The following GRB10 variants were observed in gnomAD, a reference collection of about 807,000 sequenced individuals.
GRB10 encodes growth factor receptor-bound protein 10.
GRB10 carries 20 observed loss-of-function variants against 80.9 expected under a neutral mutation model. The ratio of observed to expected loss-of-function variants is 0.25; its 90% confidence interval spans 0.17 to 0.36. The LOEUF is 0.36. GRB10 is among the 10% of genes least tolerant of loss of function. The pLI is 1.00. For missense variants in GRB10, 548 were observed against 747.7 expected, an observed-to-expected ratio of 0.73 and a Z score of 3.12; for synonymous variants, 291 against 291.5, an observed-to-expected ratio of 1.00 and a Z score of 0.02.
At chr7:50,784,881 T>C (rs2078627656), upstream of GRB10, among the ~76,000 whole-genome samples, 1 of 152,092 alleles carries the variant, frequency 6.6e-6, no homozygotes, top group South Asian at 2.1e-4. Context: ...ATGGGAAACG[T>C]AGAGTCCAAA....
intron 4 of GRB10, among the ~76,000 whole-genome samples, chr7:50,718,871 T>A (rs1416053338): frequency 6.6e-6 from 1 of 152,094 alleles, no homozygotes; most frequent in African/African-American, 2.4e-5. Flanking sequence ...TCAAAATCTT[T>A]ACCCAAGGGT....
intron 7 of GRB10, among the ~76,000 whole-genome samples, chr7:50,662,451 T>C (rs966559200): frequency 2.0e-5 from 3 of 152,180 alleles, no homozygotes; most frequent in African/African-American, 7.2e-5. Context: ...AATGCCAGTG[T>C]GTGCTGCATT....
chr7:50,733,031 A>T (rs1400578730), intron 3 of GRB10, among the ~76,000 whole-genome samples: 1 of 152,248 alleles, frequency 6.6e-6, no homozygotes, highest in Non-Finnish European at 1.5e-5. Context: ...CCTAAGCTGC[A>T]GCCCTAACTC....
intron 5 of GRB10, among the ~76,000 whole-genome samples, chr7:50,683,873 C>G (rs111893706): frequency 0.012 from 1,794 of 152,166 alleles, 13 homozygotes; most frequent in Middle Eastern, 0.058. Flanking sequence ...CCAGGTTACC[C>G]TCCAGGTGAT....
chr7:50,625,714 C>T (rs2052752527), intron 8 of GRB10, among the ~76,000 whole-genome samples: 1 of 152,238 alleles, frequency 6.6e-6, no homozygotes, highest in African/African-American at 2.4e-5. Flanking sequence ...GGAAAGAAAC[C>T]AGCAAGAGTT....
At chr7:50,789,872 T>C (rs1588146050) in intron 1 of GRB10, among the ~76,000 whole-genome samples, 2 of 152,304 alleles carry the variant, frequency 1.3e-5, no homozygotes, top group South Asian at 4.1e-4. Flanking sequence ...TCTGTTGCCA[T>C]CTCAAAGGAC....
intron 5 of GRB10, among the ~76,000 whole-genome samples, chr7:50,698,117 A>G (rs1381730779): frequency 1.3e-5 from 2 of 152,150 alleles, no homozygotes; most frequent in Non-Finnish European, 2.9e-5. Context: ...CTGCCTGCTC[A>G]TGTTCTTTGC....
intron 4 of GRB10, among the ~76,000 whole-genome samples, chr7:50,725,400 A>G (rs1239961913): frequency 1.3e-5 from 2 of 152,056 alleles, no homozygotes; most frequent in Non-Finnish European, 2.9e-5. Flanking sequence ...AGTCAATTAA[A>G]CCTCATTTCT....
chr7:50,712,734 C>T (rs1332178665), intron 4 of GRB10, among the ~76,000 whole-genome samples: 1 of 152,236 alleles, frequency 6.6e-6, no homozygotes, highest in Non-Finnish European at 1.5e-5. Context: ...TCACTTTAAC[C>T]ACCCACTCTG....
intron 4 of GRB10, chr7:50,705,091 A>C (rs949975455): frequency 2.1e-6 from 2 of 948,270 alleles, no homozygotes; most frequent in Non-Finnish European, 2.5e-6. Flanking sequence ...CTCCTTGCTC[A>C]CGCATGAAAT....
At chr7:50,759,941 C>G (rs1369535909) in intron 2 of GRB10, among the ~76,000 whole-genome samples, 7 of 152,190 alleles carry the variant, frequency 4.6e-5, no homozygotes, top group African/African-American at 1.7e-4. Context: ...ACCAACAAAA[C>G]TTAGCCAAAA....
intron 2 of GRB10, among the ~76,000 whole-genome samples, chr7:50,777,429 T>TACACACACACACACAC (rs71018485): frequency 0.098 from 14,292 of 146,050 alleles, 789 homozygotes; most frequent in East Asian, 0.19. Flanking sequence ...GCAATCTGTA[T>TACACACACACACACAC]ACACACACAC....
intron 5 of GRB10, among the ~76,000 whole-genome samples, chr7:50,694,630 C>G (rs2063222338): frequency 6.6e-6 from 1 of 152,136 alleles, no homozygotes; most frequent in African/African-American, 2.4e-5. Flanking sequence ...CATCCCTCAC[C>G]TACCCACAGG....
At chr7:50,759,192 C>CAAAA (rs57526722) in intron 2 of GRB10, among the ~76,000 whole-genome samples, 2 of 113,630 alleles carry the variant, frequency 1.8e-5, no homozygotes, top group Non-Finnish European at 3.4e-5. Context: ...GACTCTGCCT[C>CAAAA]AAAAAAAAAA....
intron 12 of GRB10, among the ~76,000 whole-genome samples, chr7:50,614,378 C>T (rs1326328599): frequency 2.0e-5 from 3 of 152,170 alleles, no homozygotes; most frequent in Admixed American, 6.5e-5. Context: ...GCCAGAGGCC[C>T]ACACAGAAGC....
At chr7:50,720,709 G>A (rs2067587771) in intron 4 of GRB10, among the ~76,000 whole-genome samples, 1 of 151,182 alleles carries the variant, frequency 6.6e-6, no homozygotes, top group African/African-American at 2.4e-5. Context: ...AGAAGCTTAT[G>A]TTTAAATTAC....
chr7:50,785,731 G>C (rs11238326), upstream of GRB10, among the ~76,000 whole-genome samples: 97,971 of 152,232 alleles, frequency 0.64, 33,627 homozygotes, highest in Middle Eastern at 0.88. Context: ...TAGAAGCACA[G>C]AAGGCTTTGC....
chr7:50,614,934 T>C (rs2050283817), intron 11 of GRB10, 54 bp from the exon 12 acceptor site: 5 of 1,146,638 alleles, frequency 4.4e-6, no homozygotes, highest in Non-Finnish European at 6.6e-6. Flanking sequence ...AGCAAATGTG[T>C]TCACCTCTGG....
At chr7:50,696,614 C>G (rs2063456403) in intron 5 of GRB10, among the ~76,000 whole-genome samples, 1 of 152,208 alleles carries the variant, frequency 6.6e-6, no homozygotes, top group Non-Finnish European at 1.5e-5. Flanking sequence ...CTTTGGGCAT[C>G]TTTACTCAAT....
Sources: gnomAD v4.1 joint callset for allele counts (sites outside exome capture counted in the v4.1 genomes callset) on GRCh38, gnomAD v4.1.1 for gene constraint, MANE v1.5 for transcripts, NCBI Gene and HGNC (gene_info 2026-07-23, HGNC 2026-07-21) for gene names.